LDLRAD3: variants seen among roughly 807,000 people sequenced by gnomAD.
LDLRAD3 encodes low density lipoprotein receptor class A domain containing 3, also known as low-density lipoprotein receptor class A domain-containing protein 3.
In LDLRAD3, 20 loss-of-function variants were observed where a neutral mutation model predicts 29.4. That is an observed-to-expected ratio of 0.68 (90% CI 0.48 to 0.99). The LOEUF (loss-of-function observed/expected upper bound fraction) is 0.99, where lower values mean the gene tolerates loss of function less well. Ranked by LOEUF, LDLRAD3 falls within the 50% of genes least tolerant of loss-of-function variation. The probability of loss-of-function intolerance (pLI) is 0.00; values close to 1 mark genes in which losing one functional copy is unlikely to be tolerated. For missense variants in LDLRAD3, 420 were observed against 454.3 expected (o/e 0.92, Z 0.69); for synonymous variants, 157 against 192.7 (o/e 0.81, Z 1.53).
chr11:36,035,231 A>C (rs1354552743), intron 1 of LDLRAD3, among the ~76,000 whole-genome samples: 1 of 141,958 alleles, frequency 7.0e-6, no homozygotes, highest in Admixed American at 7.2e-5. Context: ...ATGGCTCCTT[A>C]TCTCTCAGCC....
chr11:36,197,933 C>T (rs1590349002), intron 4 of LDLRAD3: 1 of 151,948 alleles, frequency 6.6e-6, no homozygotes, highest in African/African-American at 2.4e-5. Context: ...CACCTGTAGT[C>T]CCAGCTACTC....
At chr11:36,061,978 T>TAA (rs571129020) in intron 2 of LDLRAD3, among the ~76,000 whole-genome samples, 1 of 143,940 alleles carries the variant, frequency 6.9e-6, no homozygotes, top group African/African-American at 2.6e-5. Flanking sequence ...TTTGGGAACT[T>TAA]AAAAAAAAAA....
rs183044122 is a variant in LDLRAD3 at position 36,129,566 on chromosome 11, T to C, written c.454+31105T>C. The stretch of plus-strand genomic sequence containing the variant: ...CACTCAGATTTTATAAATCGTCCTT[T>C]GTGCCAGGTCCCTTCCCGGGAGCCA... On this transcript the variant is annotated intron_variant, in intron 4 of 5. Coordinates refer to ENST00000315571, the MANE Select transcript of LDLRAD3 (RefSeq NM_174902.4). Among the ~76,000 whole-genome samples the C allele has an allele frequency of 3.3e-3, 498 of 152,298 alleles. 1 individual carries two copies. Among genetic ancestry groups the C allele is most frequent in the Non-Finnish European group, 3.6e-3 (247 of 68,028 alleles).
rs374423305 is a variant in LDLRAD3, at chr11:36,179,475, G to A, written c.455-47610G>A. On this transcript the variant is annotated intron_variant, in intron 4 of 5. Transcript: ENST00000315571. ...GGTAACAGAGTGAGACTCTGTCTCA[G>A]AAAAAAAAGGTTAGAGCCCAGAAAC... Among the ~76,000 whole-genome samples, 14 of 151,288 alleles carry A rather than the reference G, an allele frequency of 9.3e-5. No homozygotes were observed. The East Asian group carries it at 2.1e-3, about 23-fold the overall frequency.
At chr11:35,965,578 C>T (rs565871667) in intron 1 of LDLRAD3, among the ~76,000 whole-genome samples, 7 of 152,114 alleles carry the variant, frequency 4.6e-5, no homozygotes, top group Middle Eastern at 3.4e-3. Flanking sequence ...CACTATGTGC[C>T]GAGAAACTGG....
intron 1 of LDLRAD3, among the ~76,000 whole-genome samples, chr11:35,948,683 T>G (rs886330642): frequency 3.3e-5 from 5 of 152,092 alleles, no homozygotes; most frequent in African/African-American, 1.2e-4. Flanking sequence ...AACTGCTTGG[T>G]CGGGGGAGAG....
intron 2 of LDLRAD3, among the ~76,000 whole-genome samples, chr11:36,049,548 A>T (rs1340865594): frequency 6.6e-6 from 1 of 152,194 alleles, no homozygotes; most frequent in Non-Finnish European, 1.5e-5. Context: ...TTTAGAAAGC[A>T]TTTCAGAAAC....
In LDLRAD3 at chr11:36,229,062, G is replaced by C. The variant is rs564722286; in HGVS notation, c.801-98G>C. 9.0e-5 allele frequency: 72 copies of C among 801,744 alleles called. 2 individuals carry two copies. The South Asian group carries it at 1.1e-3, about 12-fold the overall frequency. 49.7% of individuals were successfully genotyped at this position (801,744 alleles called of 1,614,324 possible). ...AATCTCATTTCGCACTGGAAACACT[G>C]TCTCAGAAATGGGCTGAAGTTGGCT... On this transcript the variant is annotated intron_variant, in intron 5 of 5. Transcript: ENST00000315571.
At chr11:36,154,366 C>G (rs1203909495) in intron 4 of LDLRAD3, among the ~76,000 whole-genome samples, 1 of 152,196 alleles carries the variant, frequency 6.6e-6, no homozygotes, top group African/African-American at 2.4e-5. Flanking sequence ...GACTAGACCC[C>G]AGGTGGCACA....
intron 1 of LDLRAD3, among the ~76,000 whole-genome samples, chr11:35,999,939 T>C (rs766514391): frequency 1.3e-5 from 2 of 152,190 alleles, no homozygotes; most frequent in Admixed American, 6.5e-5. Flanking sequence ...AGGATGCTCA[T>C]TGCAGGTCTG....
chr11:36,031,763 C>T (rs1274558967), intron 1 of LDLRAD3, among the ~76,000 whole-genome samples: 2 of 152,186 alleles, frequency 1.3e-5, no homozygotes, highest in Admixed American at 6.5e-5. Flanking sequence ...GTGATGTAAG[C>T]TGAGGTCTGG....
intron 4 of LDLRAD3, among the ~76,000 whole-genome samples, chr11:36,145,011 C>G (rs1176514455): frequency 8.6e-6 from 1 of 116,328 alleles, no homozygotes; most frequent in Non-Finnish European, 1.9e-5. Context: ...TGCCAGCCGC[C>G]CCGTCCGGGA....
At chr11:36,015,334 C>T (rs905269692) in intron 1 of LDLRAD3, among the ~76,000 whole-genome samples, 9 of 125,684 alleles carry the variant, frequency 7.2e-5, no homozygotes, top group African/African-American at 2.3e-4. Context: ...GCCCCCATTG[C>T]CTGTCCCCGT....
chr11:36,092,960 TG>T (rs1364446177), intron 3 of LDLRAD3, among the ~76,000 whole-genome samples: 1 of 152,202 alleles, frequency 6.6e-6, no homozygotes, highest in Non-Finnish European at 1.5e-5. Context: ...CTGCAAAGGA[TG>T]GGGGAGATTA....
chr11:36,046,597 T>C (rs549361660), intron 2 of LDLRAD3, among the ~76,000 whole-genome samples: 2 of 152,248 alleles, frequency 1.3e-5, no homozygotes, highest in South Asian at 4.2e-4. Flanking sequence ...CTTCATTATA[T>C]CAGCAAAGAC....
At chr11:36,216,968 G>T (rs1001316270) in intron 4 of LDLRAD3, among the ~76,000 whole-genome samples, 1 of 152,162 alleles carries the variant, frequency 6.6e-6, no homozygotes, top group African/African-American at 2.4e-5. Context: ...TCTGACTTCA[G>T]ACTCCTGCAC....
intron 3 of LDLRAD3, among the ~76,000 whole-genome samples, chr11:36,082,639 A>G (rs1243394338): frequency 6.6e-6 from 1 of 151,130 alleles, no homozygotes; most frequent in East Asian, 1.9e-4. Context: ...TACCTGCTGT[A>G]TAATATTCCC....
At chr11:36,065,483 C>T (rs1037136856) in intron 2 of LDLRAD3, among the ~76,000 whole-genome samples, 1 of 152,264 alleles carries the variant, frequency 6.6e-6, no homozygotes, top group East Asian at 1.9e-4. Context: ...AGATGATAGC[C>T]ATGGGATTTT....
At chr11:36,185,013 T>C (rs1203831240) in intron 4 of LDLRAD3, among the ~76,000 whole-genome samples, 1 of 152,244 alleles carries the variant, frequency 6.6e-6, no homozygotes, top group Non-Finnish European at 1.5e-5. Context: ...TTTTTGATGA[T>C]ATTAAGAATC....
Sources: gnomAD v4.1 joint callset for allele counts (sites outside exome capture counted in the v4.1 genomes callset) on GRCh38, gnomAD v4.1.1 for gene constraint, MANE v1.5 for transcripts, NCBI Gene and HGNC (gene_info 2026-07-23, HGNC 2026-07-21) for gene names.